Variants in MRPL48 observed in about 807,000 individuals in gnomAD.
The protein encoded by MRPL48 is large ribosomal subunit protein mL48.
A neutral mutation model predicts 32.9 loss-of-function variants in MRPL48; 16 were observed. That is an observed-to-expected ratio of 0.49 (90% CI 0.33 to 0.74). The LOEUF (loss-of-function observed/expected upper bound fraction) is 0.74. MRPL48 is among the 30% of genes least tolerant of loss of function. MRPL48 has a pLI of 0.02. For synonymous variants in MRPL48, 94 were observed against 89.2 expected, an observed-to-expected ratio of 1.05 and a Z score of -0.31; for missense variants, 206 against 245.3, an observed-to-expected ratio of 0.84 and a Z score of 1.07.
chr11:73,806,352 C>T (rs920655293), intron 2 of MRPL48, among the ~76,000 whole-genome samples: 8 of 152,160 alleles, frequency 5.3e-5, no homozygotes, highest in African/African-American at 1.9e-4. Flanking sequence ...CACCTTCCCA[C>T]CCCAGGATCT....
Position 73,830,002 on chromosome 11 carries a change from T to G in MRPL48, c.201+4206T>G, listed in dbSNP as rs938811183. 2.0e-5 allele frequency among the ~76,000 whole-genome samples: 3 copies of G among 152,148 alleles called. No homozygotes were observed. The South Asian group carries it at 6.2e-4, about 31-fold the overall frequency. On this transcript the variant is annotated intron_variant, in intron 4 of 7. Coordinates refer to ENST00000310614, the MANE Select transcript of MRPL48 (RefSeq NM_016055.6). ...GTCTCAAACTCCAGGACTTAAGTGA[T>G]CCGTCTGCCTCAGCCTCCCAAAGTA... is the stretch of plus-strand genomic sequence containing the variant.
intron 5 of MRPL48, among the ~76,000 whole-genome samples, chr11:73,849,659 G>A (rs749023676): frequency 3.3e-5 from 5 of 152,158 alleles, no homozygotes; most frequent in Non-Finnish European, 7.3e-5. Context: ...TCTGATTGAA[G>A]GACATTTCTG....
chr11:73,813,453 C>T (rs2511269), intron 3 of MRPL48, among the ~76,000 whole-genome samples: 12,937 of 152,054 alleles, frequency 0.085, 723 homozygotes, highest in African/African-American at 0.16. Flanking sequence ...GGATTACAGG[C>T]GTGAGCCACT....
At chr11:73,845,817 C>T (rs530662812) in intron 5 of MRPL48, among the ~76,000 whole-genome samples, 4 of 152,174 alleles carry the variant, frequency 2.6e-5, no homozygotes, top group Admixed American at 6.5e-5. Flanking sequence ...CCTGTAATCC[C>T]AGCACTTTGG....
At chr11:73,800,972 C>T (rs371221581) in intron 1 of MRPL48, among the ~76,000 whole-genome samples, 40 of 151,966 alleles carry the variant, frequency 2.6e-4, no homozygotes, top group African/African-American at 8.4e-4. Flanking sequence ...CCACCACGCC[C>T]GGCTAATTTT....
Position 73,853,680 on chromosome 11 carries a change from CTTTTTTTTTTTTTTT to C in MRPL48, c.372-6213_372-6199del, listed in dbSNP as rs58486952. Among the ~76,000 whole-genome samples, 13 of 79,122 alleles carry C rather than the reference CTTTTTTTTTTTTTTT, an allele frequency of 1.6e-4. 1 individual carries two copies. The highest frequency in any genetic ancestry group is 3.1e-4 in the Non-Finnish European group (13 of 41,836). The allele number at this position is 79,122 out of a possible 152,430, so 51.9% of individuals were successfully genotyped here. Reference sequence around the variant, plus strand: ...AGCTGGCGGGAATTAGAGATAGCTTCTTTTTTTTTTTTTTTTTTTTTTTTTTTTGAGATGGAGTCT... The same window carrying C: ...AGCTGGCGGGAATTAGAGATAGCTTCTTTTTTTTTTTTTGAGATGGAGTCT... On this transcript the variant is annotated intron_variant, in intron 5 of 7. Coordinates refer to ENST00000310614, the MANE Select transcript of MRPL48 (RefSeq NM_016055.6).
intron 3 of MRPL48, among the ~76,000 whole-genome samples, chr11:73,813,122 C>A (rs1398612753): frequency 2.6e-5 from 4 of 151,986 alleles, no homozygotes; most frequent in African/African-American, 9.7e-5. Flanking sequence ...AATTTGTCAT[C>A]TTTTCATATG....
rs574992462 is a variant in MRPL48, at chr11:73,801,624, C to G, written c.22-3403C>G. On this transcript the variant is annotated intron_variant, in intron 1 of 7. Coordinates refer to ENST00000310614, the MANE Select transcript of MRPL48 (RefSeq NM_016055.6). ...TTTCCGCCTCCTAATTTCCTAAGCA[C>G]TAACATCTTCATTTATGTGAGAAAA... Among the ~76,000 whole-genome samples the G allele has an allele frequency of 5.9e-5, 9 of 152,240 alleles. No homozygotes were observed. In the South Asian group the frequency reaches 1.9e-3, roughly 32 times the overall value.
intron 1 of MRPL48, among the ~76,000 whole-genome samples, chr11:73,794,112 G>A (rs563714978): frequency 2.0e-4 from 31 of 151,966 alleles, no homozygotes; most frequent in Admixed American, 1.6e-3. Flanking sequence ...AGTTGAGCCC[G>A]GGAGGCCAAG....
rs1253699801 is a variant in MRPL48, at chr11:73,855,291, C to G, written c.372-4616C>G. 2.6e-5 allele frequency among the ~76,000 whole-genome samples: 4 copies of G among 151,840 alleles called. No homozygotes were observed. In the East Asian group the frequency reaches 7.8e-4, roughly 29 times the overall value. On this transcript the variant is annotated intron_variant, in intron 5 of 7. Transcript: ENST00000310614. ...CTTGAAATGCTTTGATGGCTTCCCACTCCCGTAGGATCACAATAAAAGTTT... is the reference window on the plus strand; with the variant it reads ...CTTGAAATGCTTTGATGGCTTCCCAGTCCCGTAGGATCACAATAAAAGTTT...
chr11:73,851,008 A>C (rs890683539), intron 5 of MRPL48: 8 of 447,510 alleles, frequency 1.8e-5, no homozygotes, highest in African/African-American at 1.7e-4. Flanking sequence ...CTCTGTTCCT[A>C]CTGGCAAGAG....
chr11:73,854,865 T>G (rs1378171636), intron 5 of MRPL48, among the ~76,000 whole-genome samples: 1 of 152,170 alleles, frequency 6.6e-6, no homozygotes, highest in Non-Finnish European at 1.5e-5. Flanking sequence ...TATTAGTAGA[T>G]CAACGTATCA....
chr11:73,843,850 G>A (rs1948235819), intron 4 of MRPL48, among the ~76,000 whole-genome samples: 1 of 152,052 alleles, frequency 6.6e-6, no homozygotes, highest in African/African-American at 2.4e-5. Flanking sequence ...AGGCCTAGGT[G>A]GGTGAATCAC....
chr11:73,794,447 C>T (rs534668201), intron 1 of MRPL48, among the ~76,000 whole-genome samples: 2 of 150,806 alleles, frequency 1.3e-5, no homozygotes, highest in African/African-American at 4.9e-5. Flanking sequence ...CCCAGCTACT[C>T]GGGAGGTTGA....
chr11:73,859,456 A>G (rs971945862), intron 5 of MRPL48, among the ~76,000 whole-genome samples: 1 of 151,642 alleles, frequency 6.6e-6, no homozygotes, highest in Admixed American at 6.6e-5. Context: ...TAATTTTTGT[A>G]TATTTGTAGA....
intron 1 of MRPL48, among the ~76,000 whole-genome samples, chr11:73,794,182 C>CTCTATCTA (rs1471876951): frequency 1.4e-4 from 14 of 101,288 alleles, no homozygotes; most frequent in African/African-American, 4.7e-4. Context: ...GAGTGAGACC[C>CTCTATCTA]TGTATCTATC....
chr11:73,799,417 T>G (rs572369108), intron 1 of MRPL48, among the ~76,000 whole-genome samples: 1 of 152,222 alleles, frequency 6.6e-6, no homozygotes, highest in Non-Finnish European at 1.5e-5. Context: ...AGAGCTGTCA[T>G]GTAATAGCCG....
At chr11:73,790,062 A>ATTTTTTTTTT (rs34534770) in intron 1 of MRPL48, among the ~76,000 whole-genome samples, 2 of 103,828 alleles carry the variant, frequency 1.9e-5, no homozygotes, top group African/African-American at 3.7e-5. Flanking sequence ...TGCTCAGCTA[A>ATTTTTTTTTT]TTTTTTTTTT....
At chr11:73,861,381 T>C (rs1370838123) in intron 6 of MRPL48, among the ~76,000 whole-genome samples, 1 of 152,000 alleles carries the variant, frequency 6.6e-6, no homozygotes, top group African/African-American at 2.4e-5. Flanking sequence ...TGTTTGTTTG[T>C]TTTTGGAGAC....
Sources: allele counts gnomAD v4.1 joint callset (sites outside exome capture counted in the v4.1 genomes callset), GRCh38; gene constraint gnomAD v4.1.1; transcripts MANE v1.5; gene names NCBI Gene and HGNC (gene_info 2026-07-23, HGNC 2026-07-21).